Variants in CPE observed in about 807,000 individuals in gnomAD.
CPE encodes carbocypeptidase E.
In CPE, 17 loss-of-function variants were observed where a neutral mutation model predicts 53.5. The ratio of observed to expected loss-of-function variants is 0.32; its 90% CI spans 0.22 to 0.48. CPE has a LOEUF of 0.48. Among genes scored for constraint, CPE ranks in the 20% least tolerant of loss-of-function variants. CPE has a pLI of 0.99. For synonymous variants in CPE, 226 were observed against 228.8 expected, an observed-to-expected ratio of 0.99 and a Z score of 0.11; for missense variants, 524 against 614.7, an observed-to-expected ratio of 0.85 and a Z score of 1.56.
chr4:165,453,575 G>A lies in CPE; in HGVS notation c.308-10815G>A, dbSNP rs1035208336. 1.5e-4 allele frequency among the ~76,000 whole-genome samples: 23 copies of A among 151,988 alleles called. No homozygotes were observed. The East Asian group carries it at 4.1e-3, about 27-fold the overall frequency. On this transcript the variant is annotated intron_variant, in intron 1 of 8. Coordinates refer to ENST00000402744, the MANE Select transcript of CPE (RefSeq NM_001873.4). ...AATTTTTAAATTTTTTGTAGAGACAGGGTTTTGCCATGTTGCCCAGGTTGG... is the reference window on the plus strand; with the variant it reads ...AATTTTTAAATTTTTTGTAGAGACAAGGTTTTGCCATGTTGCCCAGGTTGG...
At chr4:165,441,490 C>T (rs1412882156) in intron 1 of CPE, among the ~76,000 whole-genome samples, 1 of 152,146 alleles carries the variant, frequency 6.6e-6, no homozygotes, top group Non-Finnish European at 1.5e-5. Context: ...GGGGCTCTCT[C>T]AAGCCAGCTT....
At chr4:165,487,333 C>T in intron 5 of CPE, 105 bp from the exon 6 acceptor site, 12 of 1,471,752 alleles carry the variant, frequency 8.2e-6, no homozygotes, top group Non-Finnish European at 1.0e-5. Flanking sequence ...TCCCAAATGC[C>T]CTGGTTTGTG....
chr4:165,404,403 T>A, intron 1 of CPE: 1 of 765,038 alleles, frequency 1.3e-6, no homozygotes, highest in Non-Finnish European at 2.4e-6. Context: ...ATACCGTTCA[T>A]GTCAGAATTC....
At chr4:165,393,151 T>C (rs1461924552) in intron 1 of CPE, among the ~76,000 whole-genome samples, 1 of 152,100 alleles carries the variant, frequency 6.6e-6, no homozygotes, top group African/African-American at 2.4e-5. Flanking sequence ...AACTATGTTT[T>C]GTAAAAACTC....
At chr4:165,473,784 A>G (rs936008463) in intron 3 of CPE, among the ~76,000 whole-genome samples, 1 of 152,212 alleles carries the variant, frequency 6.6e-6, no homozygotes, top group Non-Finnish European at 1.5e-5. Flanking sequence ...TCAGAGAAGG[A>G]GATTAGCACA....
At chr4:165,495,855 T>C (rs1042218423) in intron 8 of CPE, among the ~76,000 whole-genome samples, 178 bp downstream of exon 8, 1 of 152,210 alleles carries the variant, frequency 6.6e-6, no homozygotes, top group African/African-American at 2.4e-5. Context: ...TGAAGCTCTA[T>C]TACCATTTCT....
intron 4 of CPE, among the ~76,000 whole-genome samples, chr4:165,483,394 T>C (rs549884323): frequency 3.9e-5 from 6 of 152,358 alleles, no homozygotes; most frequent in African/African-American, 1.4e-4. Flanking sequence ...CAACCATTGA[T>C]GGACAATTAG....
At chr4:165,451,812 A>G (rs1458739510) in intron 1 of CPE, among the ~76,000 whole-genome samples, 1 of 152,076 alleles carries the variant, frequency 6.6e-6, no homozygotes, top group Non-Finnish European at 1.5e-5. Flanking sequence ...TAAGAAGACA[A>G]TTTACAGAAA....
At chr4:165,408,297 C>T (rs893641130) in intron 1 of CPE, among the ~76,000 whole-genome samples, 3 of 152,166 alleles carry the variant, frequency 2.0e-5, no homozygotes, top group African/African-American at 4.8e-5. Context: ...CTTTAACTCT[C>T]GCATTTAAAT....
intron 1 of CPE, among the ~76,000 whole-genome samples, chr4:165,388,493 G>A (rs1168518308): frequency 1.3e-5 from 2 of 152,068 alleles, no homozygotes; most frequent in Non-Finnish European, 2.9e-5. Context: ...TACTTTACCT[G>A]TTGGTCACCC....
rs761453876 is a variant in CPE at position 165,467,674 on chromosome 4, T to C, written c.505-14T>C. The C allele has an allele frequency of 3.4e-6, 1 of 293,210 alleles. No homozygotes were observed. The highest frequency in any genetic ancestry group is 1.2e-4 in the East Asian group (1 of 8,438). The allele number at this position is 293,210 out of a possible 1,614,324, so 18.2% of individuals were successfully genotyped here. A position where few individuals can be genotyped will look rare whatever the true frequency, so the allele number is the denominator to read the frequency against. On this transcript the variant is annotated splice_polypyrimidine_tract_variant and intron_variant, in intron 2 of 8. Transcript: ENST00000402744. ...GCAACTAATGATTTTTCTCTTTGAC[T>C]TTTTTTTTTTTAGCCTGGTGAACTC...
intron 2 of CPE, 91 bp downstream of exon 2, chr4:165,464,677 A>G: frequency 8.7e-7 from 1 of 1,149,910 alleles, no homozygotes; most frequent in Non-Finnish European, 1.2e-6. Flanking sequence ...GCCCTCGCAC[A>G]AAGCTTACAG....
chr4:165,491,080 A>G lies in CPE; in HGVS notation c.1114-2091A>G, dbSNP rs147230064. Reference sequence around the variant, plus strand: ...TTTATTACTACACTGGAATTTTTCAAACAGAAAAGTTGACATATCACAGAC... The same window carrying G: ...TTTATTACTACACTGGAATTTTTCAGACAGAAAAGTTGACATATCACAGAC... On this transcript the variant is annotated intron_variant, in intron 6 of 8. Coordinates refer to ENST00000402744, the MANE Select transcript of CPE (RefSeq NM_001873.4). Among the ~76,000 whole-genome samples, 501 of 152,360 alleles carry G rather than the reference A, an allele frequency of 3.3e-3. 2 individuals are homozygous for G. Among genetic ancestry groups the G allele is most frequent in the African/African-American group, 0.011 (461 of 41,590 alleles).
At chr4:165,461,165 T>TAAAAAAAA (rs1731992026) in intron 1 of CPE, among the ~76,000 whole-genome samples, 1 of 9,896 alleles carries the variant, frequency 1.0e-4, no homozygotes, top group East Asian at 3.3e-3. Context: ...AGCCTCTGCC[T>TAAAAAAAA]CAAAAAAAAA....
chr4:165,391,293 C>T (rs1418749325), intron 1 of CPE, among the ~76,000 whole-genome samples: 1 of 151,944 alleles, frequency 6.6e-6, no homozygotes. Flanking sequence ...AATATTTTTT[C>T]AAAAATTCAT....
intron 1 of CPE, among the ~76,000 whole-genome samples, chr4:165,397,429 T>C (rs1730786206): frequency 6.6e-6 from 1 of 152,210 alleles, no homozygotes; most frequent in Non-Finnish European, 1.5e-5. Context: ...TATATATAGC[T>C]ACATTCTTAA....
chr4:165,390,548 C>A lies in CPE; in HGVS notation c.307+11020C>A, dbSNP rs112400365. The stretch of plus-strand genomic sequence containing the variant: ...TAATGCATAGGAAGAATTCTATAAA[C>A]TTTCCTCAAATTAGCCTCCTTCAAA... On this transcript the variant is annotated intron_variant, in intron 1 of 8. Transcript: ENST00000402744. Among the ~76,000 whole-genome samples the A allele has an allele frequency of 3.3e-3, 510 of 152,260 alleles. 6 individuals are homozygous for A. The highest frequency in any genetic ancestry group is 0.014 in the Middle Eastern group (4 of 294).
At chr4:165,425,775 G>T (rs2126676496) in intron 1 of CPE, among the ~76,000 whole-genome samples, 1 of 152,206 alleles carries the variant, frequency 6.6e-6, no homozygotes, top group South Asian at 2.1e-4. Context: ...AGACATTTTT[G>T]GTTGTCACAA....
At chr4:165,456,015 A>G (rs1731895900) in intron 1 of CPE, among the ~76,000 whole-genome samples, 1 of 152,112 alleles carries the variant, frequency 6.6e-6, no homozygotes, top group African/African-American at 2.4e-5. Flanking sequence ...GAATGGTAAT[A>G]ATAAGGTGTT....
Sources: gnomAD v4.1 joint callset for allele counts (sites outside exome capture counted in the v4.1 genomes callset) on GRCh38, gnomAD v4.1.1 for gene constraint, MANE v1.5 for transcripts, NCBI Gene and HGNC (gene_info 2026-07-23, HGNC 2026-07-21) for gene names.